Variants in COL6A3 observed in about 807,000 individuals in gnomAD.
COL6A3 encodes the protein collagen type VI alpha 3 chain, also known as collagen alpha-3(VI) chain.
Under a neutral mutation model 274.1 loss-of-function variants are expected in COL6A3, and 137 were observed. That is an observed-to-expected ratio of 0.50 (90% CI 0.44 to 0.58). The LOEUF is 0.58. Ranked by LOEUF, COL6A3 falls within the 20% of genes least tolerant of loss-of-function variation. The pLI, the probability that COL6A3 is intolerant of heterozygous loss-of-function variation, is 0.00. For missense variants in COL6A3, 3,950 were observed against 4,124.9 expected, an observed-to-expected ratio of 0.96 and a Z score of 1.16; for synonymous variants, 1,650 against 1,650.6, an observed-to-expected ratio of 1.00 and a Z score of 0.01.
chr2:237,387,884 G>T lies in COL6A3; in HGVS notation c.1010C>A (p.Ala337Glu). Residue 337 changes from alanine (A) to glutamate (E), a missense_variant, in exon 4 of 44, where the codon GCA (alanine) becomes GAA (glutamate). Physicochemically the swap from Ala to Glu is moderately radical, Grantham distance 107. Transcript: ENST00000295550. Reference protein sequence around the residue: ...DFVVENHFTRAGGSRVEEGVP... With the variant: ...DFVVENHFTREGGSRVEEGVP... ...CCCTTCCTCCACGCGGCTGCCCCCTGCCCGGGTGAAGTGGTTCTCCACCAC... is the reference window on the plus strand; with the variant it reads ...CCCTTCCTCCACGCGGCTGCCCCCTTCCCGGGTGAAGTGGTTCTCCACCAC... The T allele has an allele frequency of 1.2e-6, 2 of 1,614,100 alleles. No individual in the cohort carries two copies. Among genetic ancestry groups the T allele is most frequent in the South Asian group, 2.2e-5 (2 of 91,070 alleles).
Position 237,381,379 on chromosome 2 carries a change from C to T in COL6A3, c.1433G>A (p.Gly478Glu), listed in dbSNP as rs369412773. 1.9e-6 allele frequency: 3 copies of T among 1,614,164 alleles called. No homozygotes were observed. The highest frequency in any genetic ancestry group is 2.5e-6 in the Non-Finnish European group (3 of 1,180,036). ...CACTGCCACCTGGATAAGATCCTGTCCGATTTCCAGCCTCTGGATGACTTT... is the reference window on the plus strand; with the variant it reads ...CACTGCCACCTGGATAAGATCCTGTTCGATTTCCAGCCTCTGGATGACTTT... ...IAKVIQRLEIGQDLIQVAVAQ... is the reference protein window; with the variant it reads ...IAKVIQRLEIEQDLIQVAVAQ... The change falls in exon 5 of 44, where the codon GGA becomes GAA. Residue 478 changes from glycine to glutamate, a missense_variant. Around this residue, in one of 5 missense-constraint regions of COL6A3, gnomAD observed 1,934 missense variants for 1,984.3 expected, o/e 0.97. Coordinates refer to ENST00000295550, the MANE Select transcript of COL6A3 (RefSeq NM_004369.4).
chr2:237,327,920 A>G (rs113852145), intron 42 of COL6A3: 4 of 152,008 alleles, frequency 2.6e-5, no homozygotes. Flanking sequence ...ACTTTTCCCT[A>G]GAACGACACG....
Position 237,375,323 on chromosome 2 carries a change from G to C in COL6A3, c.3071-303C>G, listed in dbSNP as rs2077808940. On this transcript the variant is annotated intron_variant, in intron 7 of 43. Coordinates refer to ENST00000295550, the MANE Select transcript of COL6A3 (RefSeq NM_004369.4). ...CAGAGAGGAGAGAAAGTGCCAAGCTGCTGGCAATGAGGATGGAGGATGGGG... is the reference window on the plus strand; with the variant it reads ...CAGAGAGGAGAGAAAGTGCCAAGCTCCTGGCAATGAGGATGGAGGATGGGG... Among the ~76,000 whole-genome samples the C allele has an allele frequency of 2.6e-5, 4 of 152,316 alleles. No homozygotes were observed. In the South Asian group the frequency reaches 8.3e-4, roughly 32 times the overall value.
rs1186306032 is a variant in COL6A3 at position 237,365,950 on chromosome 2, C to T, written c.5586G>A (p.Val1862=). The change falls in exon 12 of 44, where the codon GTG becomes GTA. Residue 1862 remains valine, a synonymous_variant. Coordinates refer to ENST00000295550, the MANE Select transcript of COL6A3 (RefSeq NM_004369.4). Reference sequence around the variant, plus strand: ...GGCTGATTCTGTTCAAGATGGCGTCCACCTTGGACTCGAAGCCCTTCTGGG... The same window carrying T: ...GGCTGATTCTGTTCAAGATGGCGTCTACCTTGGACTCGAAGCCCTTCTGGG... ...FVAQKGFESK[V]DAILNRISQM... is the part of the protein sequence containing the mutation. The T allele has an allele frequency of 6.2e-7, 1 of 1,614,032 alleles. No homozygotes were observed. The highest frequency in any genetic ancestry group is 8.5e-7 in the Non-Finnish European group (1 of 1,180,048).
chr2:237,354,093 C>A lies in COL6A3; in HGVS notation c.6628-690G>T, dbSNP rs193103868. On this transcript the variant is annotated intron_variant, in intron 24 of 43. Coordinates refer to ENST00000295550, the MANE Select transcript of COL6A3 (RefSeq NM_004369.4). ...ATGGCATGATCTTGGCTCACTGCAA[C>A]CTCTGCCTCCCGGGTTCAAGTGATT... Among the ~76,000 whole-genome samples the A allele has an allele frequency of 2.3e-3, 345 of 151,210 alleles. 1 individual carries two copies. The highest frequency in any genetic ancestry group is 8.1e-3 in the African/African-American group (333 of 41,120).
At chr2:237,363,023 A>C (rs1285684900) in intron 14 of COL6A3, among the ~76,000 whole-genome samples, 2 of 152,176 alleles carry the variant, frequency 1.3e-5, no homozygotes, top group Non-Finnish European at 1.5e-5. Context: ...CAGCGCGCCC[A>C]GGATCCCCTT....
At chr2:237,352,914 T>C (rs2077237613) in intron 25 of COL6A3, among the ~76,000 whole-genome samples, 1 of 152,254 alleles carries the variant, frequency 6.6e-6, no homozygotes, top group South Asian at 2.1e-4. Context: ...CAAAGTGTGC[T>C]GTAGCCACAC....
chr2:237,354,979 C>A (rs376906085), intron 23 of COL6A3, 45 bp from the exon 24 acceptor site: 8 of 1,586,958 alleles, frequency 5.0e-6, no homozygotes, highest in Non-Finnish European at 6.9e-6. Context: ...GAGCATGGGA[C>A]GCTGGGCATG....
Position 237,377,217 on chromosome 2 carries a change from A to T in COL6A3, c.2625T>A (p.Ile875=), listed in dbSNP as rs776993567. Residue 875 remains isoleucine (I), a synonymous_variant, in exon 7 of 44, where the codon ATT becomes ATA. Coordinates refer to ENST00000295550, the MANE Select transcript of COL6A3 (RefSeq NM_004369.4). ...CATCATCGCTGTACTGAGCCACCGC[A>T]ATTCGGGTCCCCTCTGGCTTCACAT... ...ELNVKPEGTR[I]AVAQYSDDVK... is the part of the protein sequence containing the mutation. 2 of 1,613,702 alleles carry T rather than the reference A, an allele frequency of 1.2e-6. No individual in the cohort carries two copies. The highest frequency in any genetic ancestry group is 4.5e-5 in the East Asian group (2 of 44,886).
chr2:237,341,064 T>C lies in COL6A3; in HGVS notation c.7852A>G (p.Ile2618Val), dbSNP rs1442616112. The C allele has an allele frequency of 6.2e-7, 1 of 1,614,046 alleles. No individual in the cohort carries two copies. The highest frequency in any genetic ancestry group is 8.5e-7 in the Non-Finnish European group (1 of 1,180,038). The change falls in exon 38 of 44, where the codon ATC becomes GTC. Residue 2618 changes from isoleucine to valine, a missense_variant. Around this residue, in one of 5 missense-constraint regions of COL6A3, gnomAD observed 1,284 missense variants for 1,349.7 expected, o/e 0.95. Transcript: ENST00000295550. Reference sequence around the variant, plus strand: ...CTGTCTAAGATGAAAGCCATGTCGATGTCCACATCGCTCCCTGCCGCTCTC... The same window carrying C: ...CTGTCTAAGATGAAAGCCATGTCGACGTCCACATCGCTCCCTGCCGCTCTC... The part of the protein sequence containing the change: ...DRRAAGSDVD[I>V]DMAFILDSAE...
chr2:237,397,042 G>GATAT (rs1223927186), intron 1 of COL6A3, among the ~76,000 whole-genome samples, 195 bp from the exon 2 acceptor site: 1 of 150,946 alleles, frequency 6.6e-6, no homozygotes, highest in East Asian at 2.0e-4. Flanking sequence ...TAGATAGATA[G>GATAT]ATAGATAGAT....
In COL6A3 at chr2:237,371,478, G is replaced by T; in HGVS notation, c.4285+254C>A. On this transcript the variant is annotated intron_variant, in intron 9 of 43. Transcript: ENST00000295550. The surrounding 1 kb of genome is among the most constrained non-coding windows in gnomAD (Gnocchi z 4.3). ...CCGGGCGTGGTGGTATGAACCTGTAGTCCTAGCTACTGAGGAGGCTGAAGT... is the reference window on the plus strand; with the variant it reads ...CCGGGCGTGGTGGTATGAACCTGTATTCCTAGCTACTGAGGAGGCTGAAGT... 1 of 620,840 alleles carries T rather than the reference G, an allele frequency of 1.6e-6. No individual in the cohort carries two copies. The highest frequency in any genetic ancestry group is 2.5e-6 in the Non-Finnish European group (1 of 407,076). The allele number at this position is 620,840 out of a possible 1,614,324, so 38.5% of individuals were successfully genotyped here. A position where few individuals can be genotyped will look rare whatever the true frequency, so the allele number is the denominator to read the frequency against.
chr2:237,383,345 C>T (rs1046726696), intron 4 of COL6A3, among the ~76,000 whole-genome samples: 1 of 152,186 alleles, frequency 6.6e-6, no homozygotes, highest in Non-Finnish European at 1.5e-5. Flanking sequence ...CATCATTGAA[C>T]CTTTTCTCAA....
chr2:237,372,740 G>A (rs777912472), intron 8 of COL6A3, among the ~76,000 whole-genome samples: 29 of 152,346 alleles, frequency 1.9e-4, no homozygotes, highest in Middle Eastern at 3.4e-3. Context: ...AGTAGGGTGG[G>A]CTCAGAGAGG....
chr2:237,330,040 A>C (rs1481823446), intron 42 of COL6A3: 1 of 152,166 alleles, frequency 6.6e-6, no homozygotes, highest in East Asian at 1.9e-4. Flanking sequence ...CTGCATTGAA[A>C]CTTCTTTAAC....
chr2:237,411,498 T>C (rs2106409950), intron 1 of COL6A3, among the ~76,000 whole-genome samples: 1 of 152,278 alleles, frequency 6.6e-6, no homozygotes, highest in East Asian at 1.9e-4. Context: ...GGCGGTCTTG[T>C]TTCAAGCTGG....
At position 237,339,086 on chromosome 2, in the gene COL6A3, G is replaced by T. The variant is rs1475363390; in HGVS notation, c.8496C>A (p.Ile2832=). ...SENAFYLSPD[I]RKQCDWFQGD... ...CTTGGAACCAATCACACTGTTTCCTGATATCTGGGGACAAGTAAAAAGCAT... is the reference window on the plus strand; with the variant it reads ...CTTGGAACCAATCACACTGTTTCCTTATATCTGGGGACAAGTAAAAAGCAT... Residue 2832 remains isoleucine (I), a synonymous_variant, in exon 39 of 44, where the codon ATC becomes ATA. Coordinates refer to ENST00000295550, the MANE Select transcript of COL6A3 (RefSeq NM_004369.4). 1 of 1,613,900 alleles carries T rather than the reference G, an allele frequency of 6.2e-7. No homozygotes were observed. Among genetic ancestry groups the T allele is most frequent in the Admixed American group, 1.7e-5 (1 of 60,008 alleles).
At chr2:237,352,482 T>C in intron 26 of COL6A3, 40 bp downstream of exon 26, 2 of 1,584,776 alleles carry the variant, frequency 1.3e-6, no homozygotes, top group South Asian at 1.1e-5. Flanking sequence ...ATGTGCCCTC[T>C]GTTCAGCTAG....
chr2:237,324,948 T>A, intron 43 of COL6A3, 134 bp from the exon 44 acceptor site: 2 of 951,130 alleles, frequency 2.1e-6, no homozygotes, highest in Non-Finnish European at 1.6e-6. Context: ...CCATCACCTG[T>A]CCCACTTTTC....
Sources: gnomAD v4.1 joint callset for allele counts (sites outside exome capture counted in the v4.1 genomes callset) on GRCh38, gnomAD v4.1.1 for gene constraint, gnomAD v4.1.1 regional missense constraint, Gnocchi (gnomAD v3.1) non-coding constraint, MANE v1.5 for transcripts, NCBI Gene and HGNC (gene_info 2026-07-23, HGNC 2026-07-21) for gene names.